The following ECPAS variants were observed in gnomAD, a reference collection of about 807,000 sequenced individuals.
ECPAS encodes the protein Ecm29 proteasome adaptor and scaffold.
ECPAS carries 70 observed loss-of-function variants against 255.1 expected under a neutral mutation model. The observed-to-expected ratio is 0.27, with a 90% confidence interval of 0.23 to 0.33. The LOEUF (loss-of-function observed/expected upper bound fraction) is 0.33. ECPAS is among the 10% of genes least tolerant of loss of function. The probability of loss-of-function intolerance (pLI) is 1.00; values close to 1 mark genes in which losing one functional copy is unlikely to be tolerated. For missense variants in ECPAS, 1,817 were observed against 2,206.4 expected, an observed-to-expected ratio of 0.82 and a Z score of 3.54; for synonymous variants, 784 against 775.0, an observed-to-expected ratio of 1.01 and a Z score of -0.19.
intron 24 of ECPAS, among the ~76,000 whole-genome samples, chr9:111,401,798 G>T (rs1459969323): frequency 6.6e-6 from 1 of 152,208 alleles, no homozygotes; most frequent in Non-Finnish European, 1.5e-5. Context: ...TCTGTCTACA[G>T]GCTTTCTGCA....
intron 2 of ECPAS, among the ~76,000 whole-genome samples, chr9:111,454,810 TCTC>T (rs1475138502): frequency 5.9e-5 from 9 of 151,808 alleles, no homozygotes; most frequent in Non-Finnish European, 1.3e-4. Context: ...CCTGGGCTAT[TCTC>T]CTACTTCAGC....
Position 111,411,046 on chromosome 9 carries a change from G to C in ECPAS, c.2311C>G (p.Leu771Val), listed in dbSNP as rs780131251. 53 of 1,613,678 alleles carry C rather than the reference G, an allele frequency of 3.3e-5. No homozygotes were observed. The highest frequency in any genetic ancestry group is 1.6e-4 in the Middle Eastern group (1 of 6,084). The part of the protein sequence containing the change: ...KKMRMSEQQD[L>V]ERNADTLPDQ... ...GGGAGGGTGTCAGCATTTCTCTCCA[G>C]GTCTTGTTGCTCTGACATTCTCATT... The change falls in exon 22 of 50, where the codon CTG (leucine) becomes GTG (valine). Residue 771 changes from leucine (L) to valine (V), a missense_variant. Leu to Val is a conservative substitution (Grantham distance 32). Transcript: ENST00000684092.
intron 35 of ECPAS, among the ~76,000 whole-genome samples, chr9:111,380,788 A>G (rs1026985190): frequency 6.6e-6 from 1 of 152,178 alleles, no homozygotes; most frequent in African/African-American, 2.4e-5. Context: ...TTGCATCTTT[A>G]TGTTATGAAG....
chr9:111,477,135 G>T (rs889770403), intron 1 of ECPAS, among the ~76,000 whole-genome samples: 1 of 150,038 alleles, frequency 6.7e-6, no homozygotes, highest in African/African-American at 2.5e-5. Context: ...TTGAGATGGA[G>T]TCTAGCTCTG....
At chr9:111,404,279 G>A (rs1377825678) in intron 24 of ECPAS, among the ~76,000 whole-genome samples, 1 of 149,564 alleles carries the variant, frequency 6.7e-6, no homozygotes, top group African/African-American at 2.5e-5. Flanking sequence ...AGAAGTAAAT[G>A]AAATTGAGAC....
At chr9:111,428,472 T>G (rs2098224934) in intron 9 of ECPAS, among the ~76,000 whole-genome samples, 1 of 152,224 alleles carries the variant, frequency 6.6e-6, no homozygotes, top group African/African-American at 2.4e-5. Flanking sequence ...AAAATTGTAC[T>G]GAGGGAGAAG....
In ECPAS at chr9:111,420,094, A is replaced by G. The variant is rs2098210995; in HGVS notation, c.1482T>C (p.Ala494=). The G allele has an allele frequency of 6.2e-7, 1 of 1,612,724 alleles. No homozygotes were observed. The highest frequency in any genetic ancestry group is 1.1e-5 in the South Asian group (1 of 91,048). ...GAAACACCGTACTGGCAAATTTCAC[A>G]GCCACTTGTCGAACTTGAACTTCAG... ...IKPEVQVRQV[A]VKFASTVFPS... is the part of the protein sequence containing the mutation. Residue 494 remains alanine, a synonymous_variant, in exon 16 of 50, where the codon GCT becomes GCC. Transcript: ENST00000684092.
In ECPAS at chr9:111,362,035, C is replaced by G. The variant is rs2131443914; in HGVS notation, c.5515G>C (p.Glu1839Gln). The change falls in exon 50 of 50, where the codon GAA becomes CAA. Residue 1839 changes from glutamate to glutamine, a missense_variant. This residue lies in a region of ECPAS where 960 missense variants were observed against 1,179.0 expected (regional missense o/e 0.81). Transcript: ENST00000684092. ...ALLKKTLENL[E>Q] ...TTGTTTCTTCCCCTTCTAATTTATT[C>G]CAGATTTTCAAGTGTTTTCTTCAGT... 2 of 1,611,762 alleles carry G rather than the reference C, an allele frequency of 1.2e-6. No individual in the cohort carries two copies. The highest frequency in any genetic ancestry group is 2.2e-5 in the East Asian group (1 of 44,844).
chr9:111,444,252 A>AAAC, intron 4 of ECPAS, 126 bp downstream of exon 4: 1 of 601,806 alleles, frequency 1.7e-6, no homozygotes. Context: ...AAAAAAAAAA[A>AAAC]CTCATGTTTC....
intron 2 of ECPAS, 55 bp from the exon 3 acceptor site, chr9:111,451,610 C>T: frequency 6.8e-7 from 1 of 1,468,362 alleles, no homozygotes; most frequent in South Asian, 1.4e-5. Flanking sequence ...ACAACCAAGA[C>T]CAATTATTTT....
rs187004925 is a variant in ECPAS, at chr9:111,415,321, T to A, written c.1765-670A>T. Among the ~76,000 whole-genome samples the A allele has an allele frequency of 5.8e-3, 876 of 151,946 alleles. 6 individuals carry two copies. The highest frequency in any genetic ancestry group is 8.9e-3 in the Non-Finnish European group (605 of 67,960). ...AAATGGCCTATTACTCCTGCAGAATTCCAGTTGTGTTTACTCCATTGACAC... is the reference window on the plus strand; with the variant it reads ...AAATGGCCTATTACTCCTGCAGAATACCAGTTGTGTTTACTCCATTGACAC... On this transcript the variant is annotated intron_variant, in intron 18 of 49. Coordinates refer to ENST00000684092, the MANE Select transcript of ECPAS (RefSeq NM_001364929.1).
At chr9:111,409,087 G>C (rs2098189819) in intron 23 of ECPAS, among the ~76,000 whole-genome samples, 1 of 152,134 alleles carries the variant, frequency 6.6e-6, no homozygotes, top group African/African-American at 2.4e-5. Context: ...GATGACAACT[G>C]TGCCTATTTC....
intron 12 of ECPAS, among the ~76,000 whole-genome samples, chr9:111,425,081 G>C (rs1246035152): frequency 1.3e-5 from 2 of 152,032 alleles, no homozygotes; most frequent in Admixed American, 6.5e-5. Context: ...CAGCTACTCG[G>C]GAGGCTGAGG....
chr9:111,439,033 C>T (rs1045271801), intron 6 of ECPAS, among the ~76,000 whole-genome samples: 2 of 152,188 alleles, frequency 1.3e-5, no homozygotes, highest in Non-Finnish European at 2.9e-5. Flanking sequence ...ACAATCTGGG[C>T]TCCATGCCAG....
chr9:111,393,709 G>T lies in ECPAS; in HGVS notation c.2948C>A (p.Ala983Glu). Residue 983 changes from alanine (A) to glutamate (E), a missense_variant, in exon 27 of 50, where the codon GCA (alanine) becomes GAA (glutamate). By Grantham distance (107) the Ala-to-Glu change is moderately radical. Around this residue, in one of 4 missense-constraint regions of ECPAS, gnomAD observed 960 missense variants for 1,179.0 expected, o/e 0.81. Coordinates refer to ENST00000684092, the MANE Select transcript of ECPAS (RefSeq NM_001364929.1). ...ATTTTCTGATAGAACTGAAACAAAT[G>T]CACTTTGAATTTCTTTAAGATGAGA... is the stretch of plus-strand genomic sequence containing the variant. ...VKSHLKEIQS[A>E]FVSVLSENDE... The T allele has an allele frequency of 6.3e-7, 1 of 1,587,396 alleles. No individual in the cohort carries two copies. Among genetic ancestry groups the T allele is most frequent in the Non-Finnish European group, 8.6e-7 (1 of 1,157,314 alleles).
rs559316569 is a variant in ECPAS at position 111,389,683 on chromosome 9, C to T, written c.3320G>A (p.Gly1107Glu). Residue 1107 changes from glycine (G) to glutamate (E), a missense_variant, in exon 31 of 50, where the codon GGA (glycine) becomes GAA (glutamate). By Grantham distance (98) the Gly-to-Glu change is moderately conservative. This residue lies in a region of ECPAS where 960 missense variants were observed against 1,179.0 expected (regional missense o/e 0.81). Transcript: ENST00000684092. ...AGGCAGAAAAGGAGCCAGCTGCTCT[C>T]CAGCTCTGGTAGCAATTACATTAAA... ...FGFNVIATRA[G>E]EQLAPFLPQL... is the part of the protein sequence containing the mutation. 1.9e-6 allele frequency: 3 copies of T among 1,613,600 alleles called. No homozygotes were observed. The African/African-American group carries it at 4.0e-5, about 22-fold the overall frequency.
At position 111,423,370 on chromosome 9, in the gene ECPAS, C is replaced by CTAGG. The variant is rs1564535375; in HGVS notation, c.1216-126_1216-123dup. 5.9e-6 allele frequency: 4 copies of CTAGG among 683,628 alleles called. 1 individual carries two copies. In the South Asian group the frequency reaches 7.2e-5, roughly 12 times the overall value. The allele number at this position is 683,628 out of a possible 1,614,324, so 42.3% of individuals were successfully genotyped here. On this transcript the variant is annotated intron_variant, in intron 12 of 49. Transcript: ENST00000684092. ...TGCATTATTTTACTCCTTATTAAACCTAGGTCTCACTCTGTCTAACTACAT... is the reference window on the plus strand; with the variant it reads ...TGCATTATTTTACTCCTTATTAAACCTAGGTAGGTCTCACTCTGTCTAACTACAT...
intron 1 of ECPAS, among the ~76,000 whole-genome samples, chr9:111,475,215 T>C (rs1455574931): frequency 6.6e-6 from 1 of 152,178 alleles, no homozygotes; most frequent in East Asian, 1.9e-4. Context: ...GTCTGCTTAT[T>C]GAATTGAAAA....
chr9:111,376,626 C>A, intron 36 of ECPAS, 85 bp from the exon 37 acceptor site: 1 of 981,024 alleles, frequency 1.0e-6, no homozygotes, highest in Non-Finnish European at 1.6e-6. Flanking sequence ...CTTTCACTTC[C>A]AAGCTAAAGA....
Sources: gnomAD v4.1 joint callset for allele counts (sites outside exome capture counted in the v4.1 genomes callset) on GRCh38, gnomAD v4.1.1 for gene constraint, gnomAD v4.1.1 regional missense constraint, MANE v1.5 for transcripts, NCBI Gene and HGNC (gene_info 2026-07-23, HGNC 2026-07-21) for gene names.